Variants in SHISA6 observed in about 807,000 individuals in gnomAD.
SHISA6 encodes the protein shisa family member 6, also known as protein shisa-6.
A neutral mutation model predicts 47.9 loss-of-function variants in SHISA6; 22 were observed. The observed-to-expected ratio is 0.46, with a 90% CI of 0.33 to 0.66. SHISA6 has a LOEUF of 0.66. Ranked by LOEUF, SHISA6 falls within the 30% of genes least tolerant of loss-of-function variation. The probability of loss-of-function intolerance (pLI) is 0.02; values close to 1 mark genes in which losing one functional copy is unlikely to be tolerated. For missense variants in SHISA6, 680 were observed against 764.6 expected (o/e 0.89, Z 1.30); for synonymous variants, 388 against 337.8 (o/e 1.15, Z -1.63).
At position 11,561,248 on chromosome 17, in the gene SHISA6, G is replaced by C. The variant is rs1431361000; in HGVS notation, c.*2944G>C. On this transcript the variant is annotated 3_prime_UTR_variant, in exon 6 of 6. Transcript: ENST00000441885. ...AGCCTCCCTCCTGCTCACAAAGGAA[G>C]CCTAAAGCCCAAGATTTCCCTCTCC... is the stretch of plus-strand genomic sequence containing the variant. The C allele has an allele frequency of 6.6e-6, 1 of 152,256 alleles. No individual in the cohort carries two copies. The highest frequency in any genetic ancestry group is 2.4e-5 in the African/African-American group (1 of 41,438). 9.4% of individuals were successfully genotyped at this position (152,256 alleles called of 1,614,324 possible). A position where few individuals can be genotyped will look rare whatever the true frequency, so the allele number is the denominator to read the frequency against.
chr17:11,429,814 C>A (rs1450791388), intron 3 of SHISA6, among the ~76,000 whole-genome samples: 1 of 149,120 alleles, frequency 6.7e-6, no homozygotes, highest in African/African-American at 2.5e-5. Context: ...ATAAATAAAT[C>A]CAATCAATCA....
chr17:11,312,984 T>C (rs1200673228), intron 2 of SHISA6, among the ~76,000 whole-genome samples: 2 of 152,186 alleles, frequency 1.3e-5, no homozygotes, highest in Non-Finnish European at 2.9e-5. Flanking sequence ...ATTTGATTTG[T>C]ACCATTTGCC....
At chr17:11,550,060 T>TC (rs1000250476) in intron 3 of SHISA6, among the ~76,000 whole-genome samples, 2 of 151,888 alleles carry the variant, frequency 1.3e-5, no homozygotes, top group Non-Finnish European at 2.9e-5. Flanking sequence ...GCTTGACATT[T>TC]TTTTTTTTTT....
At position 11,379,074 on chromosome 17, in the gene SHISA6, T is replaced by A. The variant is rs2142244475; in HGVS notation, c.800-340T>A. On this transcript the variant is annotated intron_variant, in intron 2 of 5. Coordinates refer to ENST00000441885, the MANE Select transcript of SHISA6 (RefSeq NM_207386.4). ...TAATGTAATGTTCCCAGGACTTTGT[T>A]CTTTGTTGCACAGTTTTATATACAT... 1.3e-5 allele frequency among the ~76,000 whole-genome samples: 2 copies of A among 150,768 alleles called. 1 individual carries two copies. Among genetic ancestry groups the A allele is most frequent in the East Asian group, 3.9e-4 (2 of 5,162 alleles).
chr17:11,419,230 A>T (rs1248671929), intron 3 of SHISA6, among the ~76,000 whole-genome samples: 3 of 147,386 alleles, frequency 2.0e-5, no homozygotes, highest in South Asian at 2.1e-4. Flanking sequence ...AATAAAATTT[A>T]AAAAAGAAAA....
At chr17:11,544,981 A>T (rs902958062) in intron 3 of SHISA6, among the ~76,000 whole-genome samples, 4 of 151,544 alleles carry the variant, frequency 2.6e-5, no homozygotes, top group African/African-American at 9.7e-5. Context: ...AAAAAAAAAA[A>T]ATTAAATATG....
At position 11,563,762 on chromosome 17, in the gene SHISA6, G is replaced by A. The variant is rs2072067306; in HGVS notation, c.*5458G>A. 1 of 152,190 alleles carries A rather than the reference G, an allele frequency of 6.6e-6. No individual in the cohort carries two copies. Among genetic ancestry groups the A allele is most frequent in the Non-Finnish European group, 1.5e-5 (1 of 68,034 alleles). 9.4% of individuals were successfully genotyped at this position (152,190 alleles called of 1,614,324 possible). ...CACAATTTCCTAAGGGGGGATTAATGAACATTTTTATGCATTAGCCCAATT... is the reference window on the plus strand; with the variant it reads ...CACAATTTCCTAAGGGGGGATTAATAAACATTTTTATGCATTAGCCCAATT... On this transcript the variant is annotated 3_prime_UTR_variant, in exon 6 of 6. Coordinates refer to ENST00000441885, the MANE Select transcript of SHISA6 (RefSeq NM_207386.4).
At chr17:11,316,347 G>A (rs28373416) in intron 2 of SHISA6, among the ~76,000 whole-genome samples, 41,976 of 87,218 alleles carry the variant, frequency 0.48, 7,226 homozygotes, top group Middle Eastern at 0.61. Flanking sequence ...TTTTTTTTTT[G>A]TATTCAATGG....
At chr17:11,295,430 A>G (rs986630328) in intron 2 of SHISA6, among the ~76,000 whole-genome samples, 2 of 152,232 alleles carry the variant, frequency 1.3e-5, no homozygotes, top group Non-Finnish European at 2.9e-5. Context: ...GGGGAGACAG[A>G]CAGTAAATAA....
intron 3 of SHISA6, among the ~76,000 whole-genome samples, chr17:11,454,204 A>G (rs556693361): frequency 8.5e-4 from 130 of 152,206 alleles, no homozygotes; most frequent in Middle Eastern, 3.4e-3. Context: ...ATTTCTGCAC[A>G]TCTTCAAGGT....
intron 3 of SHISA6, among the ~76,000 whole-genome samples, chr17:11,438,820 C>G (rs185241620): frequency 2.6e-5 from 4 of 152,206 alleles, no homozygotes; most frequent in Admixed American, 1.3e-4. Context: ...TAGAGTATGA[C>G]TCACCTTTAG....
chr17:11,443,643 G>T (rs1370080416), intron 3 of SHISA6, among the ~76,000 whole-genome samples: 1 of 152,286 alleles, frequency 6.6e-6, no homozygotes, highest in South Asian at 2.1e-4. Context: ...CTATCATTGT[G>T]AGGATTGAAA....
At chr17:11,373,383 A>G (rs569858568) in intron 2 of SHISA6, among the ~76,000 whole-genome samples, 1 of 149,248 alleles carries the variant, frequency 6.7e-6, no homozygotes, top group East Asian at 2.0e-4. Flanking sequence ...TCCATCATTT[A>G]TCTAGATTAT....
intron 3 of SHISA6, among the ~76,000 whole-genome samples, chr17:11,467,887 A>G (rs1915849679): frequency 6.6e-6 from 1 of 152,164 alleles, no homozygotes; most frequent in Admixed American, 6.5e-5. Flanking sequence ...ATGTGCAGCA[A>G]ACATCCTTGT....
chr17:11,516,861 A>G (rs1435358193), intron 3 of SHISA6, among the ~76,000 whole-genome samples: 2 of 152,200 alleles, frequency 1.3e-5, no homozygotes, highest in African/African-American at 4.8e-5. Context: ...ACACACATGG[A>G]TTAAAAAATC....
chr17:11,550,280 C>T (rs757440511), intron 3 of SHISA6, among the ~76,000 whole-genome samples: 6 of 152,152 alleles, frequency 3.9e-5, no homozygotes, highest in Non-Finnish European at 5.9e-5. Context: ...TGGTCTCAAA[C>T]TCTTGACATG....
At chr17:11,423,266 A>G (rs1363254065) in intron 3 of SHISA6, among the ~76,000 whole-genome samples, 1 of 148,152 alleles carries the variant, frequency 6.7e-6, no homozygotes, top group Non-Finnish European at 1.5e-5. Context: ...ATATATATAT[A>G]TATGGCAGTA....
chr17:11,542,815 A>C (rs979225500), intron 3 of SHISA6, among the ~76,000 whole-genome samples: 2 of 152,282 alleles, frequency 1.3e-5, no homozygotes, highest in Admixed American at 6.5e-5. Context: ...CCTTATTCTC[A>C]CATCAAAGCA....
intron 3 of SHISA6, among the ~76,000 whole-genome samples, chr17:11,405,529 C>T (rs1052916887): frequency 5.9e-5 from 9 of 152,226 alleles, no homozygotes; most frequent in East Asian, 1.9e-4. Context: ...CTGGGCCAGG[C>T]GCAGTGGCTC....
Sources: allele counts gnomAD v4.1 joint callset (sites outside exome capture counted in the v4.1 genomes callset), GRCh38; gene constraint gnomAD v4.1.1; transcripts MANE v1.5; gene names NCBI Gene and HGNC (gene_info 2026-07-23, HGNC 2026-07-21).